CACNA1C: variants seen among roughly 807,000 people sequenced by gnomAD.
CACNA1C encodes calcium voltage-gated channel subunit alpha1 C.
A neutral mutation model predicts 229.0 loss-of-function variants in CACNA1C; 30 were observed. The observed-to-expected ratio is 0.13, with a 90% CI of 0.10 to 0.18. The LOEUF (loss-of-function observed/expected upper bound fraction) is 0.18, where lower values mean the gene tolerates loss of function less well. Ranked by LOEUF, CACNA1C falls within the 10% of genes least tolerant of loss-of-function variation. CACNA1C has a pLI of 1.00. For synonymous variants in CACNA1C, 1,114 were observed against 1,132.5 expected, an observed-to-expected ratio of 0.98 and a Z score of 0.33; for missense variants, 1,658 against 2,845.0, an observed-to-expected ratio of 0.58 and a Z score of 9.49.
At position 2,581,878 on chromosome 12, in the gene CACNA1C, CTTTT is replaced by C. The variant is rs1427509073; in HGVS notation, c.2103+82_2103+85del. 12 of 859,344 alleles carry C rather than the reference CTTTT, an allele frequency of 1.4e-5. No homozygotes were observed. In the African/African-American group the frequency reaches 1.5e-4, roughly 11 times the overall value. 53.2% of individuals were successfully genotyped at this position (859,344 alleles called of 1,614,324 possible). ...TGGGAGGAGTGTGGGAAGCTGCACC[CTTTT>C]ACCGGGCAGCCACAGCCATCCTAGA... On this transcript the variant is annotated intron_variant, in intron 14 of 46. Coordinates refer to ENST00000399655, the MANE Select transcript of CACNA1C (RefSeq NM_000719.7).
At chr12:2,045,098 G>A (rs1202679778) in intron 1 of CACNA1C, among the ~76,000 whole-genome samples, 1 of 152,178 alleles carries the variant, frequency 6.6e-6, no homozygotes. Flanking sequence ...AGTTATATTA[G>A]TAGGGGGACT....
Position 1,978,587 on chromosome 12 carries a change from T to C in CACNA1C, c.139+7386T>C, listed in dbSNP as rs78468142. The stretch of plus-strand genomic sequence containing the variant: ...ACAGATCTTAAAGTGTTCTGCTCAG[T>C]GAGTTGGCAATAAAACACTCTTATG... On this transcript the variant is annotated intron_variant, in intron 1 of 46. Coordinates refer to the CACNA1C transcript ENST00000682462. 2.6e-4 allele frequency among the ~76,000 whole-genome samples: 40 copies of C among 152,344 alleles called. No individual in the cohort carries two copies. In the East Asian group the frequency reaches 6.7e-3, roughly 26 times the overall value.
chr12:2,095,865 G>A (rs1329409209), intron 1 of CACNA1C, among the ~76,000 whole-genome samples: 1 of 152,222 alleles, frequency 6.6e-6, no homozygotes, highest in Non-Finnish European at 1.5e-5. Flanking sequence ...TGGAGGCTGT[G>A]TGCTTCTCTC....
chr12:2,172,738 A>G (rs959360559), intron 3 of CACNA1C, among the ~76,000 whole-genome samples: 4 of 152,242 alleles, frequency 2.6e-5, no homozygotes, highest in Non-Finnish European at 1.5e-5. Flanking sequence ...AACGTCACAG[A>G]AAGGAGATGA....
At chr12:2,065,021 G>A (rs2058827613) in intron 1 of CACNA1C, among the ~76,000 whole-genome samples, 1 of 152,188 alleles carries the variant, frequency 6.6e-6, no homozygotes, top group South Asian at 2.1e-4. Context: ...CCGACTATTA[G>A]TAAATTCCTC....
chr12:2,067,449 CGTGTGTGTGTGTGTGTGTGT>C lies in CACNA1C; in HGVS notation c.49+13852_49+13871del, dbSNP rs1555107490. On this transcript the variant is annotated intron_variant, in intron 1 of 46. Coordinates refer to ENST00000399655, the MANE Select transcript of CACNA1C (RefSeq NM_000719.7). This position sits in a 1 kb window ranked among gnomAD's most constrained non-coding sequence, Gnocchi z 5.3. Reference sequence around the variant, plus strand: ...GCTTAGGACTGTGGACTAGGATGCACGTGTGTGTGTGTGTGTGTGTGTGTGTGTGTGTGCGCGCGTGTGCG... The same window carrying C: ...GCTTAGGACTGTGGACTAGGATGCACGTGTGTGTGTGTGCGCGCGTGTGCG... 7.1e-6 allele frequency among the ~76,000 whole-genome samples: 1 copy of C among 141,376 alleles called. No homozygotes were observed. Among genetic ancestry groups the C allele is most frequent in the Admixed American group, 6.9e-5 (1 of 14,396 alleles). 92.7% of individuals were successfully genotyped at this position (141,376 alleles called of 152,430 possible). A position where few individuals can be genotyped will look rare whatever the true frequency, so the allele number is the denominator to read the frequency against.
At chr12:2,546,085 A>G (rs1030911708) in intron 9 of CACNA1C, among the ~76,000 whole-genome samples, 2 of 152,210 alleles carry the variant, frequency 1.3e-5, no homozygotes, top group Non-Finnish European at 2.9e-5. Context: ...TCTTCTGTGC[A>G]GTGGCTGGTG....
Position 2,593,360 on chromosome 12 carries a change from T to A in CACNA1C, c.2663+15T>A, listed in dbSNP as rs182986691. 6 of 1,613,000 alleles carry A rather than the reference T, an allele frequency of 3.7e-6. No homozygotes were observed. Among genetic ancestry groups the A allele is most frequent in the Non-Finnish European group, 5.1e-6 (6 of 1,179,624 alleles). On this transcript the variant is annotated intron_variant, in intron 19 of 46. Coordinates refer to ENST00000399655, the MANE Select transcript of CACNA1C (RefSeq NM_000719.7). Reference sequence around the variant, plus strand: ...TCTAACAACAGGTGTGCAGCAATGGTGGGGAAGGTGGGGTCCTGCTCTCTC... The same window carrying A: ...TCTAACAACAGGTGTGCAGCAATGGAGGGGAAGGTGGGGTCCTGCTCTCTC...
intron 3 of CACNA1C, among the ~76,000 whole-genome samples, chr12:2,421,406 TTAAA>T (rs2098977906): frequency 1.3e-5 from 2 of 152,208 alleles, no homozygotes; most frequent in African/African-American, 2.4e-5. Context: ...ATACTGTTAA[TTAAA>T]TCTGCCTCAA....
chr12:2,510,634 T>C (rs1037831125), intron 8 of CACNA1C, among the ~76,000 whole-genome samples: 1 of 152,146 alleles, frequency 6.6e-6, no homozygotes, highest in Non-Finnish European at 1.5e-5. Context: ...CCAGTCCTAT[T>C]CTCCCAATTC....
intron 19 of CACNA1C, among the ~76,000 whole-genome samples, chr12:2,594,674 T>G (rs1397632408): frequency 6.6e-6 from 1 of 152,250 alleles, no homozygotes; most frequent in African/African-American, 2.4e-5. Context: ...CTCCAGTCTT[T>G]GGAATCTAAA....
At chr12:2,106,904 C>T (rs866495571) in intron 1 of CACNA1C, among the ~76,000 whole-genome samples, 2,749 of 29,582 alleles carry the variant, frequency 0.093, 924 homozygotes, top group Non-Finnish European at 0.13. Context: ...AGCCACTGGG[C>T]GCCCACCCCG....
chr12:1,996,882 TAC>T (rs932888810), intron 1 of CACNA1C, among the ~76,000 whole-genome samples: 1 of 152,098 alleles, frequency 6.6e-6, no homozygotes, highest in African/African-American at 2.4e-5. Flanking sequence ...GGAAAGAAAA[TAC>T]ACTTGTGTGT....
intron 3 of CACNA1C, among the ~76,000 whole-genome samples, chr12:2,318,151 A>G (rs1185813609): frequency 6.6e-6 from 1 of 152,212 alleles, no homozygotes; most frequent in Admixed American, 6.5e-5. Context: ...CAGTTGACCT[A>G]GTTGACCTTC....
At chr12:2,139,570 G>A (rs1221366535) in intron 3 of CACNA1C, among the ~76,000 whole-genome samples, 1 of 151,070 alleles carries the variant, frequency 6.6e-6, no homozygotes, top group Admixed American at 6.7e-5. Flanking sequence ...GTGCTTCAGT[G>A]TGGATGCTGG....
At chr12:2,004,376 G>T (rs1376657414) in intron 1 of CACNA1C, 1 of 1,612,906 alleles carries the variant, frequency 6.2e-7, no homozygotes, top group Non-Finnish European at 8.5e-7. Flanking sequence ...CTGCAGGGCC[G>T]CTAGGCTGAT....
intron 3 of CACNA1C, among the ~76,000 whole-genome samples, chr12:2,397,268 T>C (rs935710504): frequency 1.3e-5 from 2 of 152,238 alleles, no homozygotes; most frequent in Non-Finnish European, 2.9e-5. Context: ...TTTTGTTTTG[T>C]TTGGCTTTTT....
At chr12:2,682,529 T>C in intron 42 of CACNA1C, 21 bp from the exon 43 acceptor site, 1 of 1,609,230 alleles carries the variant, frequency 6.2e-7, no homozygotes, top group Non-Finnish European at 8.5e-7. Context: ...CTGATGTTTT[T>C]CTTCATCTTG....
At position 2,053,585 on chromosome 12, in the gene CACNA1C, T is replaced by G. The variant is rs1336181222; in HGVS notation, c.23T>G (p.Met8Arg). 6.2e-7 allele frequency: 1 copy of G among 1,600,872 alleles called. No individual in the cohort carries two copies. ...TCCATGGTCAATGAGAATACGAGGA[T>G]GTACATTCCAGAGGAAAACCACCAA... MVNENTRMYIPEENHQGS... is the reference protein window; with the variant it reads MVNENTRRYIPEENHQGS... Residue 8 changes from methionine (M) to arginine (R), a missense_variant, in exon 1 of 47, where the codon ATG (methionine) becomes AGG (arginine). By Grantham distance (91) the Met-to-Arg change is moderately conservative. Coordinates refer to ENST00000399655, the MANE Select transcript of CACNA1C (RefSeq NM_000719.7). This position sits in a 1 kb window ranked among gnomAD's most constrained non-coding sequence, Gnocchi z 5.8.
Sources: gnomAD v4.1 joint callset for allele counts (sites outside exome capture counted in the v4.1 genomes callset) on GRCh38, gnomAD v4.1.1 for gene constraint, Gnocchi (gnomAD v3.1) non-coding constraint, MANE v1.5 for transcripts, NCBI Gene and HGNC (gene_info 2026-07-23, HGNC 2026-07-21) for gene names.